The following DIDO1 variants were observed in gnomAD, a reference collection of about 807,000 sequenced individuals.
The protein encoded by DIDO1 is death inducer-obliterator 1, also known as death-inducer obliterator 1.
In DIDO1, 16 loss-of-function variants were observed where a neutral mutation model predicts 99.4. That is an observed-to-expected ratio of 0.16 (90% CI 0.11 to 0.24). The LOEUF is 0.24. DIDO1 is among the 10% of genes least tolerant of loss of function. DIDO1 has a pLI of 1.00. For missense variants in DIDO1, 2,996 were observed against 3,014.0 expected (o/e 0.99, Z 0.14); for synonymous variants, 1,366 against 1,239.1 (o/e 1.10, Z -2.15).
At chr20:62,899,479 G>A (rs944885479) in intron 6 of DIDO1, among the ~76,000 whole-genome samples, 2 of 152,148 alleles carry the variant, frequency 1.3e-5, no homozygotes, top group East Asian at 3.9e-4. Context: ...TCAGATTTCT[G>A]CTCGTGTAAC....
At chr20:62,900,516 C>T (rs932462301) in intron 6 of DIDO1, among the ~76,000 whole-genome samples, 1 of 152,224 alleles carries the variant, frequency 6.6e-6, no homozygotes, top group African/African-American at 2.4e-5. Flanking sequence ...CTCTGCAGAA[C>T]CCATCCAATT....
intron 6 of DIDO1, among the ~76,000 whole-genome samples, chr20:62,897,768 T>A (rs778331608): frequency 6.6e-6 from 1 of 152,172 alleles, no homozygotes; most frequent in African/African-American, 2.4e-5. Flanking sequence ...TATAACCCCA[T>A]GTGAGATCGT....
chr20:62,920,083 A>T (rs1048751568), intron 1 of DIDO1, among the ~76,000 whole-genome samples: 1 of 151,772 alleles, frequency 6.6e-6, no homozygotes, highest in African/African-American at 2.4e-5. Context: ...TGTTGCTCTT[A>T]ATAAAAGATT....
chr20:62,911,361 G>C lies in DIDO1; in HGVS notation c.252C>G (p.Arg84=). ...VEQFLTIARR[R]GRRSMPVSLE... ...GGGAGACAGGCATGCTCCTCCTGCC[G>C]CGGCGCCGCGCAATGGTCAGGAACT... Residue 84 remains arginine, a synonymous_variant, in exon 3 of 16, where the codon CGC becomes CGG. Transcript: ENST00000395343. The surrounding 1 kb of genome is among the most constrained non-coding windows in gnomAD (Gnocchi z 7.0). The C allele has an allele frequency of 6.2e-7, 1 of 1,610,260 alleles. No homozygotes were observed.
At chr20:62,914,025 G>A (rs2064995803) in intron 2 of DIDO1, among the ~76,000 whole-genome samples, 185 bp downstream of exon 2, 4 of 152,160 alleles carry the variant, frequency 2.6e-5, no homozygotes, top group Admixed American at 2.0e-4. Context: ...ATCTGCAGCT[G>A]GTTGAATCCA....
chr20:62,926,186 CG>C (rs1442977266), intron 1 of DIDO1, among the ~76,000 whole-genome samples: 6 of 152,060 alleles, frequency 3.9e-5, no homozygotes, highest in Non-Finnish European at 8.8e-5. Flanking sequence ...CTCGACCTCA[CG>C]CAGCCCACCA....
chr20:62,912,856 A>AC (rs1202609928), intron 2 of DIDO1, among the ~76,000 whole-genome samples: 3 of 152,150 alleles, frequency 2.0e-5, no homozygotes, highest in Non-Finnish European at 4.4e-5. Context: ...ACATGGTGAA[A>AC]CCCCATCTCT....
chr20:62,907,971 G>T (rs2064844077), intron 4 of DIDO1, among the ~76,000 whole-genome samples: 1 of 152,088 alleles, frequency 6.6e-6, no homozygotes, highest in Non-Finnish European at 1.5e-5. Context: ...CCCCCAAATT[G>T]CATGAAACAT....
At chr20:62,889,106 A>T in intron 15 of DIDO1, 1 of 985,434 alleles carries the variant, frequency 1.0e-6, no homozygotes, top group Non-Finnish European at 1.2e-6. Context: ...CTGGTCGCGG[A>T]GCTGACAGTG....
chr20:62,894,633 ATGGGATTGAGAC>A lies in DIDO1; in HGVS notation c.2437-97_2437-86del. 1.3e-6 allele frequency: 2 copies of A among 1,545,010 alleles called. No individual in the cohort carries two copies. The highest frequency in any genetic ancestry group is 4.6e-5 in the East Asian group (2 of 43,522). Reference sequence around the variant, plus strand: ...AACCACACACAAGAAAAGCAGTCTCATGGGATTGAGACCCACGGGGGAGAAAAAAGGACCATC... The same window carrying A: ...AACCACACACAAGAAAAGCAGTCTCACCACGGGGGAGAAAAAAGGACCATC... On this transcript the variant is annotated intron_variant, in intron 10 of 15. Transcript: ENST00000395343. The surrounding 1 kb of genome is among the most constrained non-coding windows in gnomAD (Gnocchi z 4.4).
At chr20:62,928,879 T>C (rs2065294386), upstream of DIDO1, 1 of 152,154 alleles carries the variant, frequency 6.6e-6, no homozygotes, top group Non-Finnish European at 1.5e-5. Flanking sequence ...ACTTTTGTAA[T>C]GTGTAGACAC....
chr20:62,879,584 G>C lies in DIDO1; in HGVS notation c.6372C>G (p.Ser2124Arg). 1 of 1,602,800 alleles carries C rather than the reference G, an allele frequency of 6.2e-7. No homozygotes were observed. Among genetic ancestry groups the C allele is most frequent in the Admixed American group, 1.7e-5 (1 of 59,994 alleles). ...RRERERGRNW[S>R]RERDWDRPRE... Reference sequence around the variant, plus strand: ...GGGGCCGGTCCCAGTCCCGCTCTCGGCTCCAGTTTCGGCCGCGCTCGCGCT... The same window carrying C: ...GGGGCCGGTCCCAGTCCCGCTCTCGCCTCCAGTTTCGGCCGCGCTCGCGCT... The change falls in exon 16 of 16, where the codon AGC becomes AGG. Residue 2124 changes from serine to arginine, a missense_variant. Ser to Arg is a moderately radical substitution (Grantham distance 110). This residue lies in a region of DIDO1 where 1,562 missense variants were observed against 1,412.6 expected (regional missense o/e 1.11). Transcript: ENST00000395343. This position sits in a 1 kb window ranked among gnomAD's most constrained non-coding sequence, Gnocchi z 6.3.
intron 15 of DIDO1, chr20:62,890,641 C>T (rs2064377490): frequency 8.2e-7 from 1 of 1,220,158 alleles, no homozygotes. Context: ...GGAGTGTCAC[C>T]TCCCTTTCTG....
At chr20:62,910,148 C>T (rs1001966047) in intron 3 of DIDO1, 128 bp from the exon 4 acceptor site, 168 of 1,018,612 alleles carry the variant, frequency 1.6e-4, no homozygotes, top group Admixed American at 5.7e-5. Flanking sequence ...AGATTAAGAA[C>T]GTCCTCATGC....
Position 62,879,690 on chromosome 20 carries a change from T to G in DIDO1, c.6266A>C (p.Glu2089Ala). The change falls in exon 16 of 16, where the codon GAG (glutamate) becomes GCG (alanine). Residue 2089 changes from glutamate to alanine, a missense_variant. Glu to Ala is a moderately radical substitution (Grantham distance 107, BLOSUM62 -1). Around this residue, in one of 5 missense-constraint regions of DIDO1, gnomAD observed 1,562 missense variants for 1,412.6 expected, o/e 1.11. Transcript: ENST00000395343. This position sits in a 1 kb window ranked among gnomAD's most constrained non-coding sequence, Gnocchi z 6.3. ...CTCTTTGGGCCCCACGTCAAACCGC[T>G]CTCTCTGCCTCCCTTCGAAAGTCTG... is the stretch of plus-strand genomic sequence containing the variant. ...RNQTFEGRQRERFDVGPKEKP... is the reference protein window; with the variant it reads ...RNQTFEGRQRARFDVGPKEKP... 2.5e-6 allele frequency: 4 copies of G among 1,610,648 alleles called. No individual in the cohort carries two copies. Among genetic ancestry groups the G allele is most frequent in the Non-Finnish European group, 3.4e-6 (4 of 1,179,786 alleles).
chr20:62,890,980 A>G lies in DIDO1; in HGVS notation c.3521T>C (p.Leu1174Pro). 6.2e-7 allele frequency: 1 copy of G among 1,614,062 alleles called. No individual in the cohort carries two copies. Among genetic ancestry groups the G allele is most frequent in the Non-Finnish European group, 8.5e-7 (1 of 1,180,014 alleles). Residue 1174 changes from leucine to proline, a missense_variant, in exon 15 of 16, where the codon CTC (leucine) becomes CCC (proline). Coordinates refer to ENST00000395343, the MANE Select transcript of DIDO1 (RefSeq NM_001193369.2). ...CTTACCTGGTCCCTCAAAGGGCAAGAGTTTGGATGGAACAGGGTCCTGGGC... is the reference window on the plus strand; with the variant it reads ...CTTACCTGGTCCCTCAAAGGGCAAGGGTTTGGATGGAACAGGGTCCTGGGC... ...LSAQDPVPSKLLPFEGPGLES... is the reference protein window; with the variant it reads ...LSAQDPVPSKPLPFEGPGLES...
chr20:62,894,088 G>A lies in DIDO1; in HGVS notation c.2679C>T (p.Asp893=). 6.2e-7 allele frequency: 1 copy of A among 1,614,230 alleles called. No homozygotes were observed. The highest frequency in any genetic ancestry group is 8.5e-7 in the Non-Finnish European group (1 of 1,180,050). The part of the protein sequence containing the change: ...LKSKHDSSAP[D]PAPDSADEVM... ...CCTCATCAGCTGAATCCGGAGCTGG[G>A]TCAGGTGCAGAGCTGTCATGCTTTG... Residue 893 remains aspartate, a synonymous_variant, in exon 12 of 16, where the codon GAC becomes GAT. Coordinates refer to ENST00000395343, the MANE Select transcript of DIDO1 (RefSeq NM_001193369.2). This position sits in a 1 kb window ranked among gnomAD's most constrained non-coding sequence, Gnocchi z 4.4.
At chr20:62,903,804 C>T (rs1364465119) in intron 6 of DIDO1, among the ~76,000 whole-genome samples, 2 of 152,202 alleles carry the variant, frequency 1.3e-5, no homozygotes, top group African/African-American at 4.8e-5. Flanking sequence ...ATTTCCCCCA[C>T]CTCCTGTCCC....
intron 14 of DIDO1, 49 bp from the exon 15 acceptor site, chr20:62,891,204 A>G (rs1229432895): frequency 6.2e-7 from 1 of 1,610,082 alleles, no homozygotes; most frequent in South Asian, 1.1e-5. Flanking sequence ...TGGCTCAAGC[A>G]TCACACGCCC....
Sources: gnomAD v4.1 joint callset for allele counts (sites outside exome capture counted in the v4.1 genomes callset) on GRCh38, gnomAD v4.1.1 for gene constraint, gnomAD v4.1.1 regional missense constraint, Gnocchi (gnomAD v3.1) non-coding constraint, MANE v1.5 for transcripts, NCBI Gene and HGNC (gene_info 2026-07-23, HGNC 2026-07-21) for gene names.